The following MAP7 variants were observed in gnomAD, a reference collection of about 807,000 sequenced individuals.
MAP7 encodes the protein ensconsin.
In MAP7, 52 loss-of-function variants were observed where a neutral mutation model predicts 94.8. The observed-to-expected ratio is 0.55, with a 90% CI of 0.44 to 0.69. The LOEUF is 0.69. Among genes scored for constraint, MAP7 ranks in the 30% least tolerant of loss-of-function variants. The pLI, the probability that MAP7 is intolerant of heterozygous loss-of-function variation, is 0.00. For synonymous variants in MAP7, 350 were observed against 357.0 expected, an observed-to-expected ratio of 0.98 and a Z score of 0.22; for missense variants, 940 against 964.6, an observed-to-expected ratio of 0.97 and a Z score of 0.34.
intron 1 of MAP7, among the ~76,000 whole-genome samples, chr6:136,457,066 TA>T (rs1320394302): frequency 2.9e-4 from 39 of 132,738 alleles, no homozygotes; most frequent in Admixed American, 3.7e-4. Flanking sequence ...TTAGCTAAAC[TA>T]AAAAAAAACT....
At chr6:136,542,219 CAG>C (rs1460815236) in intron 1 of MAP7, among the ~76,000 whole-genome samples, 1 of 152,162 alleles carries the variant, frequency 6.6e-6, no homozygotes, top group African/African-American at 2.4e-5. Context: ...AACCGTAACT[CAG>C]AGTTTTACAA....
At chr6:136,452,407 G>A (rs1801430491) in intron 1 of MAP7, among the ~76,000 whole-genome samples, 1 of 152,166 alleles carries the variant, frequency 6.6e-6, no homozygotes, top group African/African-American at 2.4e-5. Flanking sequence ...AAGTTGTACT[G>A]TAGGTAAAAA....
intron 2 of MAP7, among the ~76,000 whole-genome samples, chr6:136,413,215 T>G (rs965984528): frequency 1.5e-4 from 23 of 151,894 alleles, no homozygotes; most frequent in African/African-American, 5.3e-4. Flanking sequence ...GCGTTAAAAA[T>G]GGGAATCTAC....
chr6:136,546,881 T>C (rs1454125354), intron 1 of MAP7, among the ~76,000 whole-genome samples: 1 of 152,184 alleles, frequency 6.6e-6, no homozygotes, highest in Non-Finnish European at 1.5e-5. Context: ...ATAAACTGTG[T>C]AAAAATATTT....
intron 1 of MAP7, among the ~76,000 whole-genome samples, chr6:136,505,028 T>C (rs962104926): frequency 1.3e-5 from 2 of 151,986 alleles, no homozygotes; most frequent in Non-Finnish European, 2.9e-5. Context: ...GGTCCATGAG[T>C]ATTTATTATG....
At chr6:136,438,048 A>T (rs1251115187) in intron 1 of MAP7, among the ~76,000 whole-genome samples, 1 of 152,180 alleles carries the variant, frequency 6.6e-6, no homozygotes, top group Non-Finnish European at 1.5e-5. Flanking sequence ...ACTCCCTAAG[A>T]AAAGCTCCCT....
chr6:136,481,224 T>A (rs12524353), intron 1 of MAP7, among the ~76,000 whole-genome samples: 3,109 of 152,216 alleles, frequency 0.02, 110 homozygotes, highest in East Asian at 0.14. Context: ...TTCTATAAAA[T>A]CCTGAAAATA....
intron 3 of MAP7, among the ~76,000 whole-genome samples, chr6:136,394,086 C>T (rs1007107523): frequency 1.4e-5 from 2 of 147,636 alleles, no homozygotes; most frequent in African/African-American, 5.0e-5. Context: ...CAGGTTCAAA[C>T]GATTCTCCTG....
intron 3 of MAP7, among the ~76,000 whole-genome samples, chr6:136,393,226 C>T (rs184090011): frequency 5.1e-4 from 78 of 152,252 alleles, no homozygotes; most frequent in African/African-American, 1.8e-3. Flanking sequence ...CCTTAATGCA[C>T]CTCCCATCAA....
At chr6:136,366,472 T>G (rs1242704713) in intron 8 of MAP7, 33 bp from the exon 9 acceptor site, 1 of 1,464,456 alleles carries the variant, frequency 6.8e-7, no homozygotes, top group Non-Finnish European at 9.6e-7. Context: ...GTTAGATTTT[T>G]CCACAAGCGA....
intron 1 of MAP7, among the ~76,000 whole-genome samples, chr6:136,456,934 A>T (rs1803448520): frequency 6.6e-6 from 1 of 151,926 alleles, no homozygotes; most frequent in East Asian, 1.9e-4. Context: ...AGAACAGGGT[A>T]TAAAGCTAGT....
rs527603281 is a variant in MAP7, at chr6:136,411,608, G to C, written c.244+12C>G. The C allele has an allele frequency of 1.3e-6, 2 of 1,555,486 alleles. No individual in the cohort carries two copies. The highest frequency in any genetic ancestry group is 2.7e-5 in the African/African-American group (2 of 73,288). On this transcript the variant is annotated intron_variant, in intron 3 of 17. Transcript: ENST00000354570. ...ATTCAAATCAGGGCCATGGACACGG[G>C]GCCTGGGGTACCTAGCTGTTTCTCC...
intron 1 of MAP7, among the ~76,000 whole-genome samples, chr6:136,533,898 T>C (rs1367312149): frequency 6.6e-6 from 1 of 152,114 alleles, no homozygotes. Context: ...CATGAAACCA[T>C]ATCTAAACCG....
chr6:136,416,339 T>C (rs1444393525), intron 2 of MAP7, among the ~76,000 whole-genome samples: 3 of 152,256 alleles, frequency 2.0e-5, no homozygotes, highest in East Asian at 1.9e-4. Flanking sequence ...AATTTTAGTT[T>C]TAATAACTAA....
intron 6 of MAP7, among the ~76,000 whole-genome samples, chr6:136,382,004 C>G (rs760207768): frequency 6.6e-6 from 1 of 151,484 alleles, no homozygotes; most frequent in Non-Finnish European, 1.5e-5. Flanking sequence ...TGCAGTGTGG[C>G]GGTCACACGG....
intron 2 of MAP7, among the ~76,000 whole-genome samples, chr6:136,418,505 G>A (rs369192656): frequency 1.1e-4 from 17 of 152,164 alleles, no homozygotes; most frequent in Non-Finnish European, 1.6e-4. Context: ...GTGAGCCACC[G>A]GCGCCTGGCC....
intron 1 of MAP7, among the ~76,000 whole-genome samples, chr6:136,490,919 A>C (rs1339063903): frequency 2.6e-5 from 4 of 152,120 alleles, no homozygotes; most frequent in South Asian, 2.1e-4. Flanking sequence ...CTTATCCCCC[A>C]AAAATCCCTT....
chr6:136,361,501 T>C (rs898583470), intron 11 of MAP7, among the ~76,000 whole-genome samples: 5 of 152,236 alleles, frequency 3.3e-5, no homozygotes, highest in African/African-American at 4.8e-5. Context: ...GACTTCTTAG[T>C]AATGAATTTG....
intron 1 of MAP7, among the ~76,000 whole-genome samples, chr6:136,444,427 C>T (rs1798735601): frequency 1.3e-5 from 2 of 152,318 alleles, no homozygotes; most frequent in South Asian, 4.1e-4. Context: ...ACTTTCTGGA[C>T]CCATATTTAT....
Sources: gnomAD v4.1 joint callset for allele counts (sites outside exome capture counted in the v4.1 genomes callset) on GRCh38, gnomAD v4.1.1 for gene constraint, MANE v1.5 for transcripts, NCBI Gene and HGNC (gene_info 2026-07-23, HGNC 2026-07-21) for gene names.